The following PRPF8 variants were observed in gnomAD, a reference collection of about 807,000 sequenced individuals.
The protein encoded by PRPF8 is pre-mRNA-processing-splicing factor 8.
In PRPF8, 64 loss-of-function variants were observed where a neutral mutation model predicts 285.9. The observed-to-expected ratio is 0.22, with a 90% CI of 0.18 to 0.28. The LOEUF (loss-of-function observed/expected upper bound fraction) is 0.28. Among genes scored for constraint, PRPF8 ranks in the 10% least tolerant of loss-of-function variants. PRPF8 has a pLI of 1.00. For synonymous variants in PRPF8, 1,325 were observed against 1,118.2 expected, an observed-to-expected ratio of 1.18 and a Z score of -3.69; for missense variants, 1,426 against 3,026.7, an observed-to-expected ratio of 0.47 and a Z score of 12.41.
Position 1,653,384 on chromosome 17 carries a change from G to A in PRPF8, c.6369+158C>T. 1.0e-6 allele frequency: 1 copy of A among 970,758 alleles called. No individual in the cohort carries two copies. The allele number at this position is 970,758 out of a possible 1,614,324, so 60.1% of individuals were successfully genotyped here. A position where few individuals can be genotyped will look rare whatever the true frequency, so the allele number is the denominator to read the frequency against. On this transcript the variant is annotated intron_variant, in intron 39 of 42. Transcript: ENST00000304992. The surrounding 1 kb of genome is among the most constrained non-coding windows in gnomAD (Gnocchi z 4.9). The stretch of plus-strand genomic sequence containing the variant: ...CTGCCACAGCTTTTGCTATCTCATG[G>A]GGCCAAAACCCACCTCGTTGTTTTG...
At position 1,653,560 on chromosome 17, in the gene PRPF8, T is replaced by A. The variant is rs746809986; in HGVS notation, c.6351A>T (p.Ile2117=). ...TACTCACTTGGGCCCGAAGGTCAGA[T>A]ATGCAGATGAACTTCTTAAGCACAT... ...PKNVLKKFIC[I]SDLRAQIAGY... is the part of the protein sequence containing the mutation. Residue 2117 remains isoleucine, a synonymous_variant, in exon 39 of 43, where the codon ATA becomes ATT. Transcript: ENST00000304992. The surrounding 1 kb of genome is among the most constrained non-coding windows in gnomAD (Gnocchi z 4.9). 1 of 1,614,096 alleles carries A rather than the reference T, an allele frequency of 6.2e-7. No homozygotes were observed. Among genetic ancestry groups the A allele is most frequent in the Non-Finnish European group, 8.5e-7 (1 of 1,180,032 alleles).
intron 24 of PRPF8, among the ~76,000 whole-genome samples, chr17:1,668,046 G>A (rs75166446): frequency 0.014 from 2,058 of 152,314 alleles, 45 homozygotes; most frequent in African/African-American, 0.047. Context: ...CACAAAAGCC[G>A]TCTGACCTAG....
In PRPF8 at chr17:1,653,345, C is replaced by T. The variant is rs1389651625; in HGVS notation, c.6369+197G>A. ...TACTATCAGGCCAATACTACAATTA[C>T]TACCTTCTCTCAGCTGCCACAGCTT... On this transcript the variant is annotated intron_variant, in intron 39 of 42. Transcript: ENST00000304992. This position sits in a 1 kb window ranked among gnomAD's most constrained non-coding sequence, Gnocchi z 4.9. 1.9e-5 allele frequency: 13 copies of T among 698,192 alleles called. No individual in the cohort carries two copies. 43.2% of individuals were successfully genotyped at this position (698,192 alleles called of 1,614,324 possible). A position where few individuals can be genotyped will look rare whatever the true frequency, so the allele number is the denominator to read the frequency against.
intron 24 of PRPF8, among the ~76,000 whole-genome samples, chr17:1,672,023 AAAT>A (rs1644472982): frequency 6.6e-6 from 1 of 152,100 alleles, no homozygotes; most frequent in African/African-American, 2.4e-5. Flanking sequence ...TCTCTAATAA[AAAT>A]AATGAAAATA....
In PRPF8 at chr17:1,651,968, A is replaced by G. The variant is rs1211825218; in HGVS notation, c.6370-180T>C. 4 of 765,296 alleles carry G rather than the reference A, an allele frequency of 5.2e-6. No homozygotes were observed. Among genetic ancestry groups the G allele is most frequent in the African/African-American group, 5.2e-5 (3 of 58,090 alleles). 47.4% of individuals were successfully genotyped at this position (765,296 alleles called of 1,614,324 possible). ...GTTCAAAATGTTAGACATGGACCTCATCGCGGACTTACCACATCAGAATCT... is the reference window on the plus strand; with the variant it reads ...GTTCAAAATGTTAGACATGGACCTCGTCGCGGACTTACCACATCAGAATCT... On this transcript the variant is annotated intron_variant, in intron 39 of 42. Transcript: ENST00000304992. The surrounding 1 kb of genome is among the most constrained non-coding windows in gnomAD (Gnocchi z 5.1).
intron 24 of PRPF8, among the ~76,000 whole-genome samples, chr17:1,664,203 G>C (rs1191630961): frequency 6.6e-6 from 1 of 151,906 alleles, no homozygotes; most frequent in Non-Finnish European, 1.5e-5. Context: ...GCTAATTTTT[G>C]TATTTTTTTT....
rs1020731456 is a variant in PRPF8, at chr17:1,673,331, C to T, written c.3657+26G>A. 2 of 1,613,240 alleles carry T rather than the reference C, an allele frequency of 1.2e-6. No homozygotes were observed. The highest frequency in any genetic ancestry group is 1.7e-6 in the Non-Finnish European group (2 of 1,179,672). On this transcript the variant is annotated intron_variant, in intron 23 of 42. Coordinates refer to ENST00000304992, the MANE Select transcript of PRPF8 (RefSeq NM_006445.4). This position sits in a 1 kb window ranked among gnomAD's most constrained non-coding sequence, Gnocchi z 5.5. ...CCAGGAAGTGCAGGCGCGTTCATGT[C>T]ACTCCCAGCCCCGCCCAGGCTGTAC...
chr17:1,650,996 T>C lies in PRPF8; in HGVS notation c.6854-40A>G, dbSNP rs1420078280. ...AAACAGCCAATGTTAACAGGGCTCC[T>C]GCCTCATGCAGCCTGCGCCACCTCC... On this transcript the variant is annotated intron_variant, in intron 42 of 42. Coordinates refer to ENST00000304992, the MANE Select transcript of PRPF8 (RefSeq NM_006445.4). 4 of 1,614,082 alleles carry C rather than the reference T, an allele frequency of 2.5e-6. No individual in the cohort carries two copies. In the Admixed American group the frequency reaches 5.0e-5, roughly 20 times the overall value.
chr17:1,660,056 G>A, intron 30 of PRPF8, 55 bp from the exon 31 acceptor site: 2 of 1,573,620 alleles, frequency 1.3e-6, no homozygotes, highest in Non-Finnish European at 1.7e-6. Flanking sequence ...ATTAAAATCA[G>A]AGTTTGTACA....
intron 6 of PRPF8, 72 bp from the exon 7 acceptor site, chr17:1,681,126 T>C: frequency 2.0e-6 from 3 of 1,475,246 alleles, no homozygotes; most frequent in Non-Finnish European, 2.8e-6. Context: ...TCACCCAAGC[T>C]GGAATGCAAT....
chr17:1,671,487 C>T (rs564555961), intron 24 of PRPF8, among the ~76,000 whole-genome samples: 1 of 152,204 alleles, frequency 6.6e-6, no homozygotes, highest in South Asian at 2.1e-4. Flanking sequence ...GAGGCTAAGG[C>T]AGGAGGACTG....
At chr17:1,671,473 TAG>T (rs1436749593) in intron 24 of PRPF8, among the ~76,000 whole-genome samples, 2 of 152,104 alleles carry the variant, frequency 1.3e-5, no homozygotes, top group African/African-American at 2.4e-5. Context: ...AATCCAGCAT[TAG>T]AGAGGCTAAG....
Position 1,661,766 on chromosome 17 carries a change from A to G in PRPF8, c.4047T>C (p.Gly1349=). ...DLRWSKQTDV[G]ITHFRSGMSH... is the part of the protein sequence containing the mutation. ...TCATTCCTGAACGAAAGTGTGTGATACCTACATCTGTCTGTTTGGACCACC... is the reference window on the plus strand; with the variant it reads ...TCATTCCTGAACGAAAGTGTGTGATGCCTACATCTGTCTGTTTGGACCACC... The change falls in exon 26 of 43, where the codon GGT becomes GGC. Residue 1349 remains glycine (G), a synonymous_variant. Coordinates refer to ENST00000304992, the MANE Select transcript of PRPF8 (RefSeq NM_006445.4). This position sits in a 1 kb window ranked among gnomAD's most constrained non-coding sequence, Gnocchi z 7.3. 6.2e-7 allele frequency: 1 copy of G among 1,614,210 alleles called. No individual in the cohort carries two copies. The highest frequency in any genetic ancestry group is 8.5e-7 in the Non-Finnish European group (1 of 1,180,042).
At position 1,669,763 on chromosome 17, in the gene PRPF8, C is replaced by CA. The variant is rs1449151532; in HGVS notation, c.3774+3317_3774+3318insT. 3.0e-3 allele frequency among the ~76,000 whole-genome samples: 450 copies of CA among 152,318 alleles called. 3 individuals carry two copies. The highest frequency in any genetic ancestry group is 0.01 in the African/African-American group (428 of 41,578). ...CTCAGCATCACCCCAATTCTGGACACGTGTTCCTGAAGGCCTTGGTTCCAA... is the reference window on the plus strand; with the variant it reads ...CTCAGCATCACCCCAATTCTGGACACAGTGTTCCTGAAGGCCTTGGTTCCAA... On this transcript the variant is annotated intron_variant, in intron 24 of 42. Transcript: ENST00000304992.
rs377530870 is a variant in PRPF8 at position 1,661,194 on chromosome 17, T to G, written c.4339-32A>C. The G allele has an allele frequency of 1.5e-5, 25 of 1,614,050 alleles. No homozygotes were observed. Among genetic ancestry groups the G allele is most frequent in the East Asian group, 2.2e-5 (1 of 44,892 alleles). On this transcript the variant is annotated intron_variant, in intron 27 of 42. Coordinates refer to ENST00000304992, the MANE Select transcript of PRPF8 (RefSeq NM_006445.4). This position sits in a 1 kb window ranked among gnomAD's most constrained non-coding sequence, Gnocchi z 7.3. ...GGCAAGGCAGGCACGGTCAAGCTTC[T>G]GGGTGCCTATTGCCCCAAGTTTCGG...
At chr17:1,682,327 A>G (rs1448560562) in intron 3 of PRPF8, 34 bp from the exon 4 acceptor site, 2 of 1,607,962 alleles carry the variant, frequency 1.2e-6, no homozygotes, top group East Asian at 2.2e-5. Flanking sequence ...GCTATCAGAA[A>G]TGACGAGGTG....
chr17:1,658,393 C>T lies in PRPF8; in HGVS notation c.5377-12G>A, dbSNP rs202224982. 3.7e-5 allele frequency: 59 copies of T among 1,614,154 alleles called. No homozygotes were observed. Among genetic ancestry groups the T allele is most frequent in the East Asian group, 2.0e-4 (9 of 44,878 alleles). On this transcript the variant is annotated splice_polypyrimidine_tract_variant and intron_variant, in intron 33 of 42. Transcript: ENST00000304992. The surrounding 1 kb of genome is among the most constrained non-coding windows in gnomAD (Gnocchi z 4.1). ...TTCCCTTCAAAGGTCTAGAGGAGGA[C>T]GGCATTCGTTAGCATGGCCTACACA...
In PRPF8 at chr17:1,675,089, C is replaced by T; in HGVS notation, c.3060+63G>A. 1 of 1,600,456 alleles carries T rather than the reference C, an allele frequency of 6.2e-7. No individual in the cohort carries two copies. ...CACCCAGCCTCCTCCTCAGCAAATT[C>T]TGAGTCAGTGGGCCAGACAAGCACT... On this transcript the variant is annotated intron_variant, in intron 20 of 42. Transcript: ENST00000304992. This position sits in a 1 kb window ranked among gnomAD's most constrained non-coding sequence, Gnocchi z 6.0.
At chr17:1,670,875 G>A (rs1388317631) in intron 24 of PRPF8, among the ~76,000 whole-genome samples, 1 of 151,836 alleles carries the variant, frequency 6.6e-6, no homozygotes, top group Non-Finnish European at 1.5e-5. Flanking sequence ...TCTCACAGCT[G>A]CAAGAGTGAA....
Sources: allele counts gnomAD v4.1 joint callset (sites outside exome capture counted in the v4.1 genomes callset), GRCh38; gene constraint gnomAD v4.1.1; non-coding constraint Gnocchi (gnomAD v3.1); transcripts MANE v1.5; gene names NCBI Gene and HGNC (gene_info 2026-07-23, HGNC 2026-07-21).